CYP2U1: variants seen among roughly 807,000 people sequenced by gnomAD.
The protein encoded by CYP2U1 is cytochrome P450 2U1.
A neutral mutation model predicts 42.8 loss-of-function variants in CYP2U1; 28 were observed. That is an observed-to-expected ratio of 0.65 (90% CI 0.48 to 0.90). The LOEUF (loss-of-function observed/expected upper bound fraction) is 0.90. Among genes scored for constraint, CYP2U1 ranks in the 40% least tolerant of loss-of-function variants. CYP2U1 has a pLI of 0.00. For synonymous variants in CYP2U1, 296 were observed against 278.9 expected, an observed-to-expected ratio of 1.06 and a Z score of -0.61; for missense variants, 642 against 693.8, an observed-to-expected ratio of 0.93 and a Z score of 0.84.
chr4:107,947,666 T>C (rs1733748929), intron 3 of CYP2U1, 129 bp downstream of exon 3: 2 of 904,614 alleles, frequency 2.2e-6, no homozygotes, highest in Non-Finnish European at 3.3e-6. Flanking sequence ...CATTGTGTCA[T>C]ATGTAATAAA....
At chr4:107,941,969 C>CA (rs1159185155) in intron 1 of CYP2U1, among the ~76,000 whole-genome samples, 2 of 152,140 alleles carry the variant, frequency 1.3e-5, no homozygotes, top group African/African-American at 4.8e-5. Flanking sequence ...CATTACGAAA[C>CA]AAAATCCAGC....
At chr4:107,932,164 C>T (rs1733021760) in intron 1 of CYP2U1, 31 bp downstream of exon 1, 2 of 1,578,142 alleles carry the variant, frequency 1.3e-6, no homozygotes, top group East Asian at 4.6e-5. Flanking sequence ...TGTGGGTACG[C>T]GGATGCCGCG....
At chr4:107,934,887 A>T (rs80148343) in intron 1 of CYP2U1, among the ~76,000 whole-genome samples, 4 of 152,058 alleles carry the variant, frequency 2.6e-5, no homozygotes, top group African/African-American at 9.7e-5. Flanking sequence ...CTCTTATTTT[A>T]TCTCATTCAT....
Position 107,951,670 on chromosome 4 carries a change from T to A in CYP2U1, c.*1247T>A, listed in dbSNP as rs976271080. 3 of 152,400 alleles carry A rather than the reference T, an allele frequency of 2.0e-5. No individual in the cohort carries two copies. Among genetic ancestry groups the A allele is most frequent in the Admixed American group, 2.0e-4 (3 of 15,284 alleles). The allele number at this position is 152,400 out of a possible 1,614,324, so 9.4% of individuals were successfully genotyped here. A position where few individuals can be genotyped will look rare whatever the true frequency, so the allele number is the denominator to read the frequency against. ...CTCAAGATGCCAGGATTTCCCCCAG[T>A]GAGAACATGCTCTAAGGAATGACCA... is the stretch of plus-strand genomic sequence containing the variant. On this transcript the variant is annotated 3_prime_UTR_variant, in exon 5 of 5. Coordinates refer to ENST00000332884, the MANE Select transcript of CYP2U1 (RefSeq NM_183075.3).
At position 107,950,508 on chromosome 4, in the gene CYP2U1, A is replaced by C. The variant is rs1328383828; in HGVS notation, c.*85A>C. ...TTCTTCCTACTGCAAAGGACAGTGA[A>C]TCCAGCAACTCAGTGGATCCAAGCT... On this transcript the variant is annotated 3_prime_UTR_variant, in exon 5 of 5. Coordinates refer to ENST00000332884, the MANE Select transcript of CYP2U1 (RefSeq NM_183075.3). 4.3e-6 allele frequency: 6 copies of C among 1,382,746 alleles called. No individual in the cohort carries two copies. The highest frequency in any genetic ancestry group is 1.5e-5 in the African/African-American group (1 of 68,416). The allele number at this position is 1,382,746 out of a possible 1,614,324, so 85.7% of individuals were successfully genotyped here. A position where few individuals can be genotyped will look rare whatever the true frequency, so the allele number is the denominator to read the frequency against.
chr4:107,931,764 G>C lies in CYP2U1; in HGVS notation c.121G>C (p.Gly41Arg), dbSNP rs1216849431. The change falls in exon 1 of 5, where the codon GGC becomes CGC. Residue 41 changes from glycine (G) to arginine (R), a missense_variant. Coordinates refer to ENST00000332884, the MANE Select transcript of CYP2U1 (RefSeq NM_183075.3). ...CAGCGGGGGCGCGCTGCTGCTATGC[G>C]GCCTCGTAGCGCTGCTGGGCTGGAG... ...DPSGGALLLC[G>R]LVALLGWSWL... 6.8e-7 allele frequency: 1 copy of C among 1,463,470 alleles called. No individual in the cohort carries two copies. Among genetic ancestry groups the C allele is most frequent in the Non-Finnish European group, 9.0e-7 (1 of 1,115,856 alleles). 90.7% of individuals were successfully genotyped at this position (1,463,470 alleles called of 1,614,324 possible).
Position 107,947,471 on chromosome 4 carries a change from A to G in CYP2U1, c.1222A>G (p.Met408Val), listed in dbSNP as rs756018209. 1.9e-6 allele frequency: 3 copies of G among 1,614,156 alleles called. No individual in the cohort carries two copies. The highest frequency in any genetic ancestry group is 1.7e-5 in the Admixed American group (1 of 60,016). ...AQMPYTEATI[M>V]EVQRLTVVVP... is the part of the protein sequence containing the mutation. ...GATGCCCTACACAGAAGCCACCATC[A>G]TGGAAGTGCAGAGGCTAACTGTGGT... Residue 408 changes from methionine to valine, a missense_variant, in exon 3 of 5, where the codon ATG becomes GTG. Met to Val is a conservative substitution (Grantham distance 21). Coordinates refer to ENST00000332884, the MANE Select transcript of CYP2U1 (RefSeq NM_183075.3).
Position 107,931,737 on chromosome 4 carries a change from C to T in CYP2U1, c.94C>T (p.Pro32Ser), listed in dbSNP as rs889995658. ...RAPLGLLRLD[P>S]SGGALLLCGL... ...GCCTCTGGGGCTGCTGCGGCTGGAC[C>T]CCAGCGGGGGCGCGCTGCTGCTATG... Residue 32 changes from proline to serine, a missense_variant, in exon 1 of 5, where the codon CCC (proline) becomes TCC (serine). Transcript: ENST00000332884. The T allele has an allele frequency of 7.0e-7, 1 of 1,419,680 alleles. No individual in the cohort carries two copies. Among genetic ancestry groups the T allele is most frequent in the Non-Finnish European group, 9.1e-7 (1 of 1,096,682 alleles). The allele number at this position is 1,419,680 out of a possible 1,614,324, so 87.9% of individuals were successfully genotyped here.
intron 1 of CYP2U1, among the ~76,000 whole-genome samples, chr4:107,936,967 T>G (rs1189378516): frequency 1.3e-5 from 2 of 152,204 alleles, no homozygotes; most frequent in Non-Finnish European, 2.9e-5. Flanking sequence ...ATTTTGCATT[T>G]TTTTGCTCTT....
Position 107,932,670 on chromosome 4 carries a change from A to C in CYP2U1, c.490+537A>C, listed in dbSNP as rs571251788. On this transcript the variant is annotated intron_variant, in intron 1 of 4. Coordinates refer to ENST00000332884, the MANE Select transcript of CYP2U1 (RefSeq NM_183075.3). ...TCCTGCGTATGGGAGTCTAAATTGGACATTTTTGGGGGTTGGAAAACGTGT... is the reference window on the plus strand; with the variant it reads ...TCCTGCGTATGGGAGTCTAAATTGGCCATTTTTGGGGGTTGGAAAACGTGT... Among the ~76,000 whole-genome samples the C allele has an allele frequency of 8.5e-5, 13 of 152,282 alleles. No homozygotes were observed. In the South Asian group the frequency reaches 2.5e-3, roughly 29 times the overall value.
intron 2 of CYP2U1, among the ~76,000 whole-genome samples, chr4:107,946,069 A>G (rs1733688626): frequency 6.6e-6 from 1 of 152,218 alleles, no homozygotes; most frequent in Non-Finnish European, 1.5e-5. Flanking sequence ...ATGGTGTATT[A>G]TTAGTTTCTG....
rs561383081 is a variant in CYP2U1 at position 107,952,197 on chromosome 4, T to A, written c.*1774T>A. Reference sequence around the variant, plus strand: ...CCTACCTTATTTGAATAATTACAAGTCATGTTTTTGTTGCTTAAAGGTGAT... The same window carrying A: ...CCTACCTTATTTGAATAATTACAAGACATGTTTTTGTTGCTTAAAGGTGAT... On this transcript the variant is annotated 3_prime_UTR_variant, in exon 5 of 5. Coordinates refer to ENST00000332884, the MANE Select transcript of CYP2U1 (RefSeq NM_183075.3). The A allele has an allele frequency of 6.6e-6, 1 of 152,264 alleles. No homozygotes were observed. Among genetic ancestry groups the A allele is most frequent in the South Asian group, 2.1e-4 (1 of 4,836 alleles). The allele number at this position is 152,264 out of a possible 1,614,324, so 9.4% of individuals were successfully genotyped here. A position where few individuals can be genotyped will look rare whatever the true frequency, so the allele number is the denominator to read the frequency against.
rs1456531515 is a variant in CYP2U1, at chr4:107,952,295, C to T, written c.*1872C>T. ...AAAAATCACTGGACTTTTGTGTTTACCATTTAAAACAACCATTTTAAACAA... is the reference window on the plus strand; with the variant it reads ...AAAAATCACTGGACTTTTGTGTTTATCATTTAAAACAACCATTTTAAACAA... On this transcript the variant is annotated 3_prime_UTR_variant, in exon 5 of 5. Coordinates refer to ENST00000332884, the MANE Select transcript of CYP2U1 (RefSeq NM_183075.3). 1 of 152,158 alleles carries T rather than the reference C, an allele frequency of 6.6e-6. No individual in the cohort carries two copies. Among genetic ancestry groups the T allele is most frequent in the African/African-American group, 2.4e-5 (1 of 41,432 alleles). 9.4% of individuals were successfully genotyped at this position (152,158 alleles called of 1,614,324 possible).
intron 1 of CYP2U1, chr4:107,936,551 C>G (rs1339814114): frequency 6.5e-6 from 1 of 153,298 alleles, no homozygotes; most frequent in African/African-American, 2.4e-5. Context: ...GTGCTATCCT[C>G]TTGGACTTCC....
chr4:107,949,367 A>G lies in CYP2U1; in HGVS notation c.1306A>G (p.Ile436Val), dbSNP rs370357298. Residue 436 changes from isoleucine to valine, a missense_variant, in exon 4 of 5, where the codon ATT becomes GTT. Transcript: ENST00000332884. ...TGTTTTAGTGCTCCAAGGGTATACCATTCCTAAAGGCACATTGATCTTACC... is the reference window on the plus strand; with the variant it reads ...TGTTTTAGTGCTCCAAGGGTATACCGTTCCTAAAGGCACATTGATCTTACC... ...SENTVLQGYT[I>V]PKGTLILPNL... is the part of the protein sequence containing the mutation. 1 of 1,570,296 alleles carries G rather than the reference A, an allele frequency of 6.4e-7. No individual in the cohort carries two copies. The highest frequency in any genetic ancestry group is 8.6e-7 in the Non-Finnish European group (1 of 1,158,936).
At chr4:107,940,736 G>A (rs763537738) in intron 1 of CYP2U1, 20 of 151,910 alleles carry the variant, frequency 1.3e-4, no homozygotes, top group Non-Finnish European at 2.4e-4. Flanking sequence ...TTAAGTAAGC[G>A]TGTTAAAAAT....
At chr4:107,944,257 T>G (rs779719532) in intron 1 of CYP2U1, among the ~76,000 whole-genome samples, 58 of 152,158 alleles carry the variant, frequency 3.8e-4, no homozygotes, top group Non-Finnish European at 5.9e-5. Flanking sequence ...GTTTAGAATA[T>G]AGGTGTTTAG....
chr4:107,933,189 T>C (rs929180425), intron 1 of CYP2U1, among the ~76,000 whole-genome samples: 6 of 152,178 alleles, frequency 3.9e-5, no homozygotes, highest in Admixed American at 2.0e-4. Context: ...CCTCCTAGCG[T>C]AGTGAAATTC....
chr4:107,932,055 G>C lies in CYP2U1; in HGVS notation c.412G>C (p.Glu138Gln). The change falls in exon 1 of 5, where the codon GAG becomes CAG. Residue 138 changes from glutamate (E) to glutamine (Q), a missense_variant. Physicochemically the swap from Glu to Gln is conservative, Grantham distance 29. Transcript: ENST00000332884. ...CCTCAGCGACTTCCACAGCGTGCGC[G>C]AGGCGCTGGTGCAGCAGGCCGAGGT... is the stretch of plus-strand genomic sequence containing the variant. ...VVLSDFHSVR[E>Q]ALVQQAEVFS... 6.3e-7 allele frequency: 1 copy of C among 1,584,162 alleles called. No individual in the cohort carries two copies.
Sources: allele counts gnomAD v4.1 joint callset (sites outside exome capture counted in the v4.1 genomes callset), GRCh38; gene constraint gnomAD v4.1.1; transcripts MANE v1.5; gene names NCBI Gene and HGNC (gene_info 2026-07-23, HGNC 2026-07-21).